The following TMEM43 variants were observed in gnomAD, a reference collection of about 807,000 sequenced individuals.
TMEM43 encodes arrhythmogenic right ventricular dysplasia 5.
In TMEM43, 45 loss-of-function variants were observed where a neutral mutation model predicts 49.6. That is an observed-to-expected ratio of 0.91 (90% CI 0.71 to 1.16). The LOEUF is 1.16. Among genes scored for constraint, TMEM43 ranks in the 50% most tolerant of loss-of-function variants. TMEM43 has a pLI of 0.00. For missense variants in TMEM43, 532 were observed against 516.6 expected, an observed-to-expected ratio of 1.03 and a Z score of -0.29; for synonymous variants, 199 against 207.8, an observed-to-expected ratio of 0.96 and a Z score of 0.36.
At chr3:14,125,703 C>T (rs749511963) in intron 1 of TMEM43, among the ~76,000 whole-genome samples, 5 of 152,142 alleles carry the variant, frequency 3.3e-5, no homozygotes, top group Non-Finnish European at 7.4e-5. Context: ...TCTCTGTAAA[C>T]CGAGTCTGTG....
chr3:14,141,659 C>G lies in TMEM43; in HGVS notation c.1067C>G (p.Ala356Gly), dbSNP rs1465084342. 5 of 1,614,228 alleles carry G rather than the reference C, an allele frequency of 3.1e-6. No homozygotes were observed. The highest frequency in any genetic ancestry group is 4.2e-6 in the Non-Finnish European group (5 of 1,180,038). The change falls in exon 12 of 12, where the codon GCC becomes GGC. Residue 356 changes from alanine to glycine, a missense_variant. Ala to Gly is a moderately conservative substitution (Grantham distance 60). Transcript: ENST00000306077. Reference protein sequence around the residue: ...IGLKAFAFCVATSLTLLTVAA... With the variant: ...IGLKAFAFCVGTSLTLLTVAA... ...CTGAAAGCCTTTGCCTTCTGTGTGG[C>G]CACCTCGCTGACCCTGCTGACCGTG...
In TMEM43 at chr3:14,125,066, T is replaced by C; in HGVS notation, c.-128T>C. 1.6e-6 allele frequency: 2 copies of C among 1,237,504 alleles called. No individual in the cohort carries two copies. Among genetic ancestry groups the C allele is most frequent in the Non-Finnish European group, 2.3e-6 (2 of 865,248 alleles). The allele number at this position is 1,237,504 out of a possible 1,614,324, so 76.7% of individuals were successfully genotyped here. Reference sequence around the variant, plus strand: ...GGGAGGTAACTGCAGTAAGTCCCGCTTGGCCCTGGAGTCCACGCGGATTTT... The same window carrying C: ...GGGAGGTAACTGCAGTAAGTCCCGCCTGGCCCTGGAGTCCACGCGGATTTT... On this transcript the variant is annotated 5_prime_UTR_variant, in exon 1 of 12. Transcript: ENST00000306077.
chr3:14,142,371 G>A lies in TMEM43; in HGVS notation c.*576G>A, dbSNP rs1415021841. 1 of 159,494 alleles carries A rather than the reference G, an allele frequency of 6.3e-6. No homozygotes were observed. Among genetic ancestry groups the A allele is most frequent in the Non-Finnish European group, 1.4e-5 (1 of 71,560 alleles). 9.9% of individuals were successfully genotyped at this position (159,494 alleles called of 1,614,324 possible). On this transcript the variant is annotated 3_prime_UTR_variant, in exon 12 of 12. Coordinates refer to ENST00000306077, the MANE Select transcript of TMEM43 (RefSeq NM_024334.3). ...ACCTGATGTGGTGTTTAAAAGAGAAGAAACACTGAAGATGTCCTGAGGAGA... is the reference window on the plus strand; with the variant it reads ...ACCTGATGTGGTGTTTAAAAGAGAAAAAACACTGAAGATGTCCTGAGGAGA...
intron 1 of TMEM43, among the ~76,000 whole-genome samples, chr3:14,125,488 C>T (rs1019265414): frequency 6.6e-6 from 1 of 151,878 alleles, no homozygotes; most frequent in Non-Finnish European, 1.5e-5. Context: ...TCTGCTTGTA[C>T]GCCTCTCCGC....
At position 14,142,102 on chromosome 3, in the gene TMEM43, A is replaced by G; in HGVS notation, c.*307A>G. 2.3e-6 allele frequency: 1 copy of G among 438,688 alleles called. No homozygotes were observed. The highest frequency in any genetic ancestry group is 4.6e-5 in the East Asian group (1 of 21,894). The allele number at this position is 438,688 out of a possible 1,614,324, so 27.2% of individuals were successfully genotyped here. ...ACTGAGTGGGTACGGCCAGCCACTC[A>G]GCCCATTGGCAGCTGACAACGCAGA... On this transcript the variant is annotated 3_prime_UTR_variant, in exon 12 of 12. Coordinates refer to ENST00000306077, the MANE Select transcript of TMEM43 (RefSeq NM_024334.3).
In TMEM43 at chr3:14,136,707, G is replaced by A. The variant is rs534307747; in HGVS notation, c.882+799G>A. ...CCCAGAGCGGGGAGAGGGAGTGGGT[G>A]GGGGGGCTCCACCAAAGTCTGTGTC... On this transcript the variant is annotated intron_variant, in intron 10 of 11. Coordinates refer to ENST00000306077, the MANE Select transcript of TMEM43 (RefSeq NM_024334.3). Among the ~76,000 whole-genome samples, 6 of 150,156 alleles carry A rather than the reference G, an allele frequency of 4.0e-5. 1 individual carries two copies. The highest frequency in any genetic ancestry group is 1.2e-4 in the African/African-American group (5 of 40,292).
intron 1 of TMEM43, among the ~76,000 whole-genome samples, chr3:14,125,968 C>G (rs183899611): frequency 6.6e-6 from 1 of 152,148 alleles, no homozygotes; most frequent in Non-Finnish European, 1.5e-5. Context: ...CACCTCTCCC[C>G]TCCTCTGTGA....
Position 14,135,898 on chromosome 3 carries a change from T to A in TMEM43, c.872T>A (p.Phe291Tyr). 2 of 1,614,070 alleles carry A rather than the reference T, an allele frequency of 1.2e-6. No individual in the cohort carries two copies. Among genetic ancestry groups the A allele is most frequent in the Non-Finnish European group, 1.7e-6 (2 of 1,179,942 alleles). The change falls in exon 10 of 12, where the codon TTC becomes TAC. Residue 291 changes from phenylalanine to tyrosine, a missense_variant. Coordinates refer to ENST00000306077, the MANE Select transcript of TMEM43 (RefSeq NM_024334.3). ...DTLLLLHHGD[F>Y]SAEEVFHREL... ...TTACTGCTCCTGCACCACGGGGACTTCTCAGCAGAGGTGAGTGCTGTGCCC... is the reference window on the plus strand; with the variant it reads ...TTACTGCTCCTGCACCACGGGGACTACTCAGCAGAGGTGAGTGCTGTGCCC...
At chr3:14,132,451 G>A in intron 4 of TMEM43, 95 bp from the exon 5 acceptor site, 6 of 1,322,932 alleles carry the variant, frequency 4.5e-6, no homozygotes, top group Non-Finnish European at 6.5e-6. Flanking sequence ...AGTCTGATCT[G>A]GTAGCCCTGA....
intron 10 of TMEM43, 129 bp from the exon 11 acceptor site, chr3:14,139,051 C>T (rs1056160986): frequency 1.6e-5 from 12 of 745,152 alleles, no homozygotes; most frequent in African/African-American, 6.9e-5. Flanking sequence ...GGCTTGCCCC[C>T]ACTCCGTCTG....
chr3:14,130,591 G>A (rs1695079890), intron 2 of TMEM43, among the ~76,000 whole-genome samples: 1 of 152,208 alleles, frequency 6.6e-6, no homozygotes. Context: ...TAAGATTGGT[G>A]GGGGCTAGTG....
At chr3:14,128,869 CT>C (rs1695054271) in intron 1 of TMEM43, 1 of 442,304 alleles carries the variant, frequency 2.3e-6, no homozygotes, top group South Asian at 1.6e-5. Context: ...AACCTGGAAG[CT>C]GTCAAGATAC....
rs141780849 is a variant in TMEM43, at chr3:14,129,748, G to A, written c.162+187G>A. ...CCACAGCTGATGTGAGCAGGAAGGG[G>A]AGTAGATCAGTTCACACACCTGAAT... is the stretch of plus-strand genomic sequence containing the variant. On this transcript the variant is annotated intron_variant, in intron 2 of 11. Coordinates refer to ENST00000306077, the MANE Select transcript of TMEM43 (RefSeq NM_024334.3). 1.0e-3 allele frequency among the ~76,000 whole-genome samples: 158 copies of A among 152,330 alleles called. 2 individuals carry two copies. The highest frequency in any genetic ancestry group is 1.6e-3 in the Non-Finnish European group (110 of 68,026).
In TMEM43 at chr3:14,139,214, T is replaced by G. The variant is rs1695216941; in HGVS notation, c.917T>G (p.Met306Arg). 6.2e-7 allele frequency: 1 copy of G among 1,614,054 alleles called. No individual in the cohort carries two copies. The highest frequency in any genetic ancestry group is 2.2e-5 in the East Asian group (1 of 44,888). ...CATAGAGAACTAAGGAGCAACTCCA[T>G]GAAGACCTGGGGCCTGCGGGCAGCT... ...VFHRELRSNS[M>R]KTWGLRAAGW... is the part of the protein sequence containing the mutation. The change falls in exon 11 of 12, where the codon ATG (methionine) becomes AGG (arginine). Residue 306 changes from methionine to arginine, a missense_variant. Coordinates refer to ENST00000306077, the MANE Select transcript of TMEM43 (RefSeq NM_024334.3).
In TMEM43 at chr3:14,131,678, A is replaced by G. The variant is rs397517382; in HGVS notation, c.392+4A>G. 14 of 1,611,560 alleles carry G rather than the reference A, an allele frequency of 8.7e-6. No individual in the cohort carries two copies. Among genetic ancestry groups the G allele is most frequent in the Non-Finnish European group, 1.2e-5 (14 of 1,177,810 alleles). On this transcript the variant is annotated splice_donor_region_variant and intron_variant, in intron 4 of 11. Coordinates refer to ENST00000306077, the MANE Select transcript of TMEM43 (RefSeq NM_024334.3). The stretch of plus-strand genomic sequence containing the variant: ...GGGTAGAAACTGAGGAGTCCAGGTG[A>G]GCTGTTGGGGTGAAAACTCTGTTGG...
intron 6 of TMEM43, 64 bp from the exon 7 acceptor site, chr3:14,133,674 AC>A: frequency 6.6e-7 from 1 of 1,514,662 alleles, no homozygotes. Flanking sequence ...AGCACAAACA[AC>A]CCAAAGGGAC....
chr3:14,129,647 G>A, intron 2 of TMEM43, 86 bp downstream of exon 2: 3 of 1,439,622 alleles, frequency 2.1e-6, no homozygotes, highest in Non-Finnish European at 1.9e-6. Context: ...GCTGGATTTG[G>A]TAATCAAGGG....
intron 11 of TMEM43, among the ~76,000 whole-genome samples, chr3:14,140,166 G>A (rs1695228808): frequency 1.3e-5 from 2 of 152,348 alleles, no homozygotes; most frequent in Middle Eastern, 3.4e-3. Flanking sequence ...GGGAAGGGAA[G>A]GACTCTCCCT....
At chr3:14,136,530 G>C (rs147565477) in intron 10 of TMEM43, among the ~76,000 whole-genome samples, 1 of 152,320 alleles carries the variant, frequency 6.6e-6, no homozygotes, top group African/African-American at 2.4e-5. Context: ...TTTCTGCAGT[G>C]ATCAAGCAGG....
Sources: allele counts gnomAD v4.1 joint callset (sites outside exome capture counted in the v4.1 genomes callset), GRCh38; gene constraint gnomAD v4.1.1; transcripts MANE v1.5; gene names NCBI Gene and HGNC (gene_info 2026-07-23, HGNC 2026-07-21).